RNF38: variants seen among roughly 807,000 people sequenced by gnomAD.
The protein encoded by RNF38 is E3 ubiquitin-protein ligase RNF38.
Under a neutral mutation model 67.2 loss-of-function variants are expected in RNF38, and 15 were observed. The observed-to-expected ratio is 0.22, with a 90% confidence interval of 0.15 to 0.34. The LOEUF is 0.34. RNF38 is among the 10% of genes least tolerant of loss of function. RNF38 has a pLI of 1.00. For missense variants in RNF38, 524 were observed against 639.9 expected, an observed-to-expected ratio of 0.82 and a Z score of 1.95; for synonymous variants, 220 against 218.8, an observed-to-expected ratio of 1.01 and a Z score of -0.05.
intron 2 of RNF38, among the ~76,000 whole-genome samples, chr9:36,418,140 C>T (rs772596515): frequency 6.6e-6 from 1 of 151,702 alleles, no homozygotes; most frequent in Non-Finnish European, 1.5e-5. Flanking sequence ...GTAATCTTCC[C>T]GCCTCAGCCT....
At chr9:36,445,317 A>G (rs1839275468) in intron 1 of RNF38, among the ~76,000 whole-genome samples, 1 of 152,258 alleles carries the variant, frequency 6.6e-6, no homozygotes, top group Non-Finnish European at 1.5e-5. Flanking sequence ...GATAAAGACA[A>G]GAGTCATACA....
intron 1 of RNF38, among the ~76,000 whole-genome samples, chr9:36,478,336 G>A (rs1314200113): frequency 2.0e-5 from 3 of 149,520 alleles, no homozygotes; most frequent in South Asian, 2.1e-4. Context: ...CCTGGGAGGC[G>A]GAGCTTGCAG....
intron 7 of RNF38, 66 bp from the exon 8 acceptor site, chr9:36,352,914 T>C: frequency 8.7e-7 from 1 of 1,155,248 alleles, no homozygotes; most frequent in Non-Finnish European, 1.3e-6. Context: ...TCAAATAAAG[T>C]ATCTAATTAA....
At chr9:36,388,071 A>G (rs1324633051) in intron 2 of RNF38, among the ~76,000 whole-genome samples, 1 of 152,194 alleles carries the variant, frequency 6.6e-6, no homozygotes, top group Non-Finnish European at 1.5e-5. Context: ...CTAACTTCAG[A>G]AACAAGCAAA....
At position 36,351,188 on chromosome 9, in the gene RNF38, G is replaced by A; in HGVS notation, c.1190C>T (p.Pro397Leu). The change falls in exon 9 of 12, where the codon CCA (proline) becomes CTA (leucine). Residue 397 changes from proline to leucine, a missense_variant. Pro to Leu is a moderately conservative substitution (Grantham distance 98). Around this residue, in one of 2 missense-constraint regions of RNF38, gnomAD observed 461 missense variants for 517.4 expected, o/e 0.89. Transcript: ENST00000259605. ...AGTTGGGCCCACTGCAGGTGGCACT[G>A]GAAGCATTGATCTGCAGTGAAAACA... ...SLLPYVLSMLPVPPAVGPTFS... is the reference protein window; with the variant it reads ...SLLPYVLSMLLVPPAVGPTFS... 6.2e-7 allele frequency: 1 copy of A among 1,611,150 alleles called. No homozygotes were observed. Among genetic ancestry groups the A allele is most frequent in the Non-Finnish European group, 8.5e-7 (1 of 1,178,118 alleles).
intron 4 of RNF38, among the ~76,000 whole-genome samples, chr9:36,362,246 T>A (rs796761174): frequency 3.3e-5 from 5 of 151,704 alleles, no homozygotes; most frequent in African/African-American, 1.2e-4. Flanking sequence ...TAATCCCAGC[T>A]ACTCGGGAGG....
chr9:36,415,403 A>AT (rs1248438439), intron 2 of RNF38, among the ~76,000 whole-genome samples: 1 of 150,020 alleles, frequency 6.7e-6, no homozygotes, highest in East Asian at 2.0e-4. Flanking sequence ...TTCTCTGGAG[A>AT]TTTTTTTGTC....
In RNF38 at chr9:36,409,245, AGAAGGAAG is replaced by A. The variant is rs72057765; in HGVS notation, n.312+15360_312+15367del. On this transcript the variant is annotated intron_variant and non_coding_transcript_variant, in intron 2 of 3. Coordinates refer to the RNF38 transcript ENST00000488058. The stretch of plus-strand genomic sequence containing the variant: ...AGGAGGGAAGGAAGGATGGAAGGAA[AGAAGGAAG>A]GAAGGAAGGAAGGAAAGAAGGAAAG... Among the ~76,000 whole-genome samples the A allele has an allele frequency of 1.4e-4, 21 of 148,410 alleles. No homozygotes were observed. In the East Asian group the frequency reaches 1.6e-3, roughly 11 times the overall value.
intron 3 of RNF38, among the ~76,000 whole-genome samples, chr9:36,371,130 T>C (rs1835348050): frequency 6.6e-6 from 1 of 152,168 alleles, no homozygotes; most frequent in Non-Finnish European, 1.5e-5. Flanking sequence ...AGGTCAAACA[T>C]CTCCCTTCTA....
At chr9:36,431,663 A>G (rs920436446) in intron 1 of RNF38, among the ~76,000 whole-genome samples, 1 of 152,202 alleles carries the variant, frequency 6.6e-6, no homozygotes, top group Non-Finnish European at 1.5e-5. Flanking sequence ...TCACCAACCC[A>G]GAAGCTCTCC....
chr9:36,366,130 T>C (rs1211212207), intron 4 of RNF38, among the ~76,000 whole-genome samples: 1 of 152,166 alleles, frequency 6.6e-6, no homozygotes, highest in African/African-American at 2.4e-5. Flanking sequence ...TCCACCTGAA[T>C]ATACTGCTTT....
intron 2 of RNF38, among the ~76,000 whole-genome samples, chr9:36,423,799 A>G (rs1384239259): frequency 4.5e-5 from 4 of 88,554 alleles, no homozygotes; most frequent in Non-Finnish European, 8.0e-5. Context: ...AATACAAAAA[A>G]TTAGCCGGGC....
intron 10 of RNF38, among the ~76,000 whole-genome samples, chr9:36,343,839 T>C (rs1170036684): frequency 6.6e-6 from 1 of 152,156 alleles, no homozygotes; most frequent in South Asian, 2.1e-4. Flanking sequence ...GTAATCTATA[T>C]AGACACAGTG....
chr9:36,384,325 T>C (rs1836433213), intron 2 of RNF38, among the ~76,000 whole-genome samples: 1 of 152,166 alleles, frequency 6.6e-6, no homozygotes, highest in African/African-American at 2.4e-5. Context: ...CGCCTGGAGG[T>C]GTTCTGTAAA....
chr9:36,446,807 C>CA (rs1839311961), intron 1 of RNF38, among the ~76,000 whole-genome samples: 1 of 20,642 alleles, frequency 4.8e-5, no homozygotes, highest in Non-Finnish European at 8.5e-5. Flanking sequence ...GACTCCGCCT[C>CA]AAGAAAAAAA....
At position 36,336,960 on chromosome 9, in the gene RNF38, C is replaced by T. The variant is rs1222386150; in HGVS notation, c.*2792G>A. On this transcript the variant is annotated 3_prime_UTR_variant, in exon 12 of 12. Coordinates refer to ENST00000259605, the MANE Select transcript of RNF38 (RefSeq NM_022781.5). ...AATATGAGATCTTGATACCTGGAGG[C>T]CTTATTTTTTTGAGGGGCTGGGGGT... 2.0e-5 allele frequency: 3 copies of T among 151,984 alleles called. No individual in the cohort carries two copies. Among genetic ancestry groups the T allele is most frequent in the Admixed American group, 2.0e-4 (3 of 15,264 alleles). 9.4% of individuals were successfully genotyped at this position (151,984 alleles called of 1,614,324 possible).
At chr9:36,480,548 CTTTTTTT>C (rs3072687) in intron 1 of RNF38, among the ~76,000 whole-genome samples, 2 of 100,822 alleles carry the variant, frequency 2.0e-5, no homozygotes, top group African/African-American at 3.8e-5. Flanking sequence ...TTTTCTTTTT[CTTTTTTT>C]TTTTTTTTTT....
chr9:36,482,048 CTTTTTTTTTTTTT>C (rs767211095), intron 1 of RNF38, among the ~76,000 whole-genome samples: 1 of 119,308 alleles, frequency 8.4e-6, no homozygotes, highest in Non-Finnish European at 1.7e-5. Context: ...ATACTTTTGT[CTTTTTTTTTTTTT>C]TTTTTTTTTG....
intron 1 of RNF38, among the ~76,000 whole-genome samples, chr9:36,461,735 TAAGA>T (rs2134376763): frequency 6.6e-6 from 1 of 152,226 alleles, no homozygotes; most frequent in East Asian, 1.9e-4. Flanking sequence ...GAGTGGTGTG[TAAGA>T]AAAACAAAGG....
Sources: allele counts gnomAD v4.1 joint callset (sites outside exome capture counted in the v4.1 genomes callset), GRCh38; gene constraint gnomAD v4.1.1; regional missense constraint gnomAD v4.1.1; transcripts MANE v1.5; gene names NCBI Gene and HGNC (gene_info 2026-07-23, HGNC 2026-07-21).